SYTL5: variants seen among roughly 807,000 people sequenced by gnomAD.
SYTL5 encodes the protein synaptotagmin-like protein 5.
Under a neutral mutation model 55.9 loss-of-function variants are expected in SYTL5, and 34 were observed. The ratio of observed to expected loss-of-function variants is 0.61; its 90% confidence interval spans 0.46 to 0.81. The LOEUF (loss-of-function observed/expected upper bound fraction) is 0.81. Ranked by LOEUF, SYTL5 falls within the 30% of genes least tolerant of loss-of-function variation. SYTL5 has a pLI of 0.00. For missense variants in SYTL5, 637 were observed against 546.7 expected (o/e 1.17, Z -1.65); for synonymous variants, 221 against 188.7 (o/e 1.17, Z -1.40).
At chrX:38,063,237 A>G (rs1227309592) in intron 3 of SYTL5, among the ~76,000 whole-genome samples, 2 of 111,693 alleles carry the variant, frequency 1.8e-5, no homozygotes, top group African/African-American at 6.5e-5. Flanking sequence ...AAATTTTCAT[A>G]GTGCAGCTAC....
chrX:37,970,840 C>CA, the SYTL5 span, among the ~76,000 whole-genome samples: 1 of 112,049 alleles, frequency 8.9e-6, no homozygotes, highest in African/African-American at 3.2e-5. Flanking sequence ...AAGCAAAGAT[C>CA]ATTCTGTCTT....
chrX:37,892,625 C>T, the SYTL5 span, among the ~76,000 whole-genome samples: 1 of 86,651 alleles, frequency 1.2e-5, no homozygotes, highest in South Asian at 4.8e-4. Flanking sequence ...TACATATATA[C>T]ATATATTAGT....
rs78322257 is a variant in SYTL5, at chrX:38,087,519, G to C, written c.690-1927G>C. ...CAGTCTTAGAGATCTTCTCAGCTGA[G>C]TTCATAGCACTGTAATTTACTTAGA... On this transcript the variant is annotated intron_variant, in intron 6 of 16. Transcript: ENST00000297875. Among the ~76,000 whole-genome samples the C allele has an allele frequency of 2.7e-5, 3 of 112,246 alleles. No individual in the cohort carries two copies. In the East Asian group the frequency reaches 8.4e-4, roughly 31 times the overall value.
At chrX:37,986,660 T>C in the SYTL5 span, among the ~76,000 whole-genome samples, 1 of 111,341 alleles carries the variant, frequency 9.0e-6, no homozygotes, top group African/African-American at 3.3e-5. Flanking sequence ...GAGAACCTCA[T>C]TCAATAGTGG....
intron 13 of SYTL5, among the ~76,000 whole-genome samples, chrX:38,120,087 C>A (rs1264091603): frequency 8.9e-6 from 1 of 112,244 alleles, no homozygotes; most frequent in Admixed American, 9.5e-5. Flanking sequence ...TGCTCAATAT[C>A]TATTGACTGG....
chrX:38,072,242 T>C, intron 4 of SYTL5, 80 bp downstream of exon 4: 6 of 739,693 alleles, frequency 8.1e-6, no homozygotes, highest in Non-Finnish European at 1.2e-5. Flanking sequence ...TGTTATGTAG[T>C]TAATCAGCAT....
At chrX:38,037,154 C>A (rs1466407105) in intron 2 of SYTL5, among the ~76,000 whole-genome samples, 1 of 111,840 alleles carries the variant, frequency 8.9e-6, no homozygotes, top group East Asian at 2.8e-4. Flanking sequence ...ACTGGGTAGC[C>A]CAAAGCCAAT....
the SYTL5 span, among the ~76,000 whole-genome samples, chrX:37,971,325 T>C: frequency 9.0e-6 from 1 of 110,780 alleles, no homozygotes; most frequent in African/African-American, 3.3e-5. Flanking sequence ...GATAGCAAAG[T>C]TTACATCATA....
chrX:38,025,194 G>T (rs1472326553), intron 1 of SYTL5, among the ~76,000 whole-genome samples: 6 of 112,013 alleles, frequency 5.4e-5, no homozygotes, highest in Admixed American at 9.5e-5. Flanking sequence ...TAAGTGTGCT[G>T]AAAATTCATC....
Position 38,127,163 on chromosome X carries a change from C to A in SYTL5, c.*433C>A, listed in dbSNP as rs904449325. 7.8e-4 allele frequency: 89 copies of A among 114,560 alleles called. 1 individual carries two copies. Among genetic ancestry groups the A allele is most frequent in the Non-Finnish European group, 6.0e-4 (33 of 55,398 alleles). 9.4% of individuals were successfully genotyped at this position (114,560 alleles called of 1,213,427 possible). The stretch of plus-strand genomic sequence containing the variant: ...GCCAACTTTTACTCACCCTAGGAAT[C>A]CACATGATCTCAAGAAGGCATGGTG... On this transcript the variant is annotated 3_prime_UTR_variant, in exon 17 of 17. Transcript: ENST00000297875.
chrX:37,933,087 G>C, the SYTL5 span, among the ~76,000 whole-genome samples: 1 of 111,402 alleles, frequency 9.0e-6, no homozygotes, highest in African/African-American at 3.3e-5. Flanking sequence ...CAGATTTAAA[G>C]GAGGTGGCGA....
chrX:38,063,089 GT>G (rs201399864), intron 3 of SYTL5, among the ~76,000 whole-genome samples: 68 of 107,023 alleles, frequency 6.4e-4, no homozygotes, highest in African/African-American at 1.4e-3. Context: ...GGTATGTGGA[GT>G]TTTTTTTTTC....
At chrX:37,966,551 C>T in the SYTL5 span, among the ~76,000 whole-genome samples, 9 of 106,207 alleles carry the variant, frequency 8.5e-5, no homozygotes, top group Non-Finnish European at 1.4e-4. Context: ...GATTCTCCTG[C>T]CTCAGCCTCC....
At chrX:38,097,317 A>T (rs1027189556) in intron 9 of SYTL5, among the ~76,000 whole-genome samples, 2 of 110,615 alleles carry the variant, frequency 1.8e-5, no homozygotes, top group Admixed American at 1.9e-4. Context: ...ATACTAAAGG[A>T]TCTACAAAAA....
intron 1 of SYTL5, among the ~76,000 whole-genome samples, chrX:38,022,705 G>T (rs954500258): frequency 8.9e-6 from 1 of 112,228 alleles, no homozygotes; most frequent in Non-Finnish European, 1.9e-5. Flanking sequence ...GCAAAGTTTT[G>T]CCATCTAAGG....
the SYTL5 span, among the ~76,000 whole-genome samples, chrX:37,963,843 T>C: frequency 1.1e-4 from 12 of 112,015 alleles, no homozygotes; most frequent in African/African-American, 3.9e-4. Flanking sequence ...AGTTTTTTAT[T>C]ATTGAATGTG....
upstream of SYTL5, among the ~76,000 whole-genome samples, chrX:38,005,546 T>C (rs1487502949): frequency 9.0e-6 from 1 of 111,147 alleles, no homozygotes; most frequent in Non-Finnish European, 1.9e-5. Context: ...AATAACCACA[T>C]GGAAATTTTA....
At chrX:38,090,908 A>C (rs1936786103) in intron 7 of SYTL5, among the ~76,000 whole-genome samples, 1 of 112,294 alleles carries the variant, frequency 8.9e-6, no homozygotes, top group South Asian at 3.7e-4. Context: ...GGGTATGTTC[A>C]AGGAAGAGGA....
In SYTL5 at chrX:38,033,783, C is replaced by T. The variant is rs1454587275; in HGVS notation, c.-107C>T. 4 of 445,551 alleles carry T rather than the reference C, an allele frequency of 9.0e-6. No homozygotes were observed. The highest frequency in any genetic ancestry group is 1.6e-5 in the Non-Finnish European group (4 of 257,398). The allele number at this position is 445,551 out of a possible 1,213,427, so 36.7% of individuals were successfully genotyped here. A position where few individuals can be genotyped will look rare whatever the true frequency, so the allele number is the denominator to read the frequency against. ...ACCTTGTAAAAATCACACTTTACAC[C>T]AAACAACTGAGTGATTCTGAATTGG... On this transcript the variant is annotated 5_prime_UTR_variant, in exon 2 of 17. Coordinates refer to ENST00000297875, the MANE Select transcript of SYTL5 (RefSeq NM_138780.3).
Sources: allele counts gnomAD v4.1 joint callset (sites outside exome capture counted in the v4.1 genomes callset), GRCh38; gene constraint gnomAD v4.1.1; transcripts MANE v1.5; gene names NCBI Gene and HGNC (gene_info 2026-07-23, HGNC 2026-07-21).